The following SPATA17 variants were observed in gnomAD, a reference collection of about 807,000 sequenced individuals.
The protein encoded by SPATA17 is spermatogenesis-associated protein 17.
A neutral mutation model predicts 62.2 loss-of-function variants in SPATA17; 53 were observed. That is an observed-to-expected ratio of 0.85 (90% CI 0.68 to 1.07). The LOEUF (loss-of-function observed/expected upper bound fraction) is 1.07. Ranked by LOEUF, SPATA17 falls within the 50% of genes least tolerant of loss-of-function variation. SPATA17 has a pLI of 0.00. For missense variants in SPATA17, 466 were observed against 425.5 expected (o/e 1.10, Z -0.84); for synonymous variants, 146 against 146.8 (o/e 0.99, Z 0.04).
At chr1:217,796,160 T>C (rs1335589123) in intron 8 of SPATA17, among the ~76,000 whole-genome samples, 1 of 152,186 alleles carries the variant, frequency 6.6e-6, no homozygotes, top group Non-Finnish European at 1.5e-5. Flanking sequence ...TTTGAAACTT[T>C]GTTAGTTTAA....
chr1:217,838,244 G>A (rs1675307042), intron 9 of SPATA17, among the ~76,000 whole-genome samples: 1 of 151,896 alleles, frequency 6.6e-6, no homozygotes, highest in Non-Finnish European at 1.5e-5. Flanking sequence ...GCCCAATTTT[G>A]GGGGATAGAA....
chr1:217,736,467 A>G (rs1001214036), intron 5 of SPATA17, among the ~76,000 whole-genome samples: 6 of 152,212 alleles, frequency 3.9e-5, no homozygotes, highest in Non-Finnish European at 5.9e-5. Flanking sequence ...AAGAAAAACA[A>G]CATTATGATG....
intron 5 of SPATA17, among the ~76,000 whole-genome samples, chr1:217,726,497 T>C (rs186890660): frequency 6.5e-4 from 99 of 152,328 alleles, no homozygotes; most frequent in Non-Finnish European, 1.3e-3. Flanking sequence ...GCTGGGGTTC[T>C]CACTAGGGCC....
At chr1:217,774,217 C>A (rs1673529964) in intron 6 of SPATA17, 117 bp from the exon 7 acceptor site, 2 of 808,714 alleles carry the variant, frequency 2.5e-6, no homozygotes, top group South Asian at 1.9e-5. Flanking sequence ...TGGTTAAGAA[C>A]CACAGTTGTA....
intron 9 of SPATA17, among the ~76,000 whole-genome samples, chr1:217,805,442 G>A (rs1038639002): frequency 1.3e-5 from 2 of 152,142 alleles, no homozygotes; most frequent in Non-Finnish European, 2.9e-5. Context: ...CAGTTAGGAT[G>A]AATAGTTCTG....
intron 5 of SPATA17, among the ~76,000 whole-genome samples, chr1:217,713,979 AT>A (rs1671935457): frequency 6.6e-6 from 1 of 152,174 alleles, no homozygotes; most frequent in South Asian, 2.1e-4. Flanking sequence ...GATGAAAAAA[AT>A]TTGCATCCAG....
At chr1:217,866,453 G>C (rs1270478004) in intron 10 of SPATA17, 1 of 152,036 alleles carries the variant, frequency 6.6e-6, no homozygotes, top group Non-Finnish European at 1.5e-5. Context: ...ATGGTTTTTA[G>C]TTTGTTTGTT....
At chr1:217,856,283 T>A (rs1038348202) in intron 9 of SPATA17, among the ~76,000 whole-genome samples, 11 of 152,244 alleles carry the variant, frequency 7.2e-5, no homozygotes, top group South Asian at 2.1e-4. Flanking sequence ...TGCTGGACAC[T>A]GTTTTAATTG....
intron 3 of SPATA17, among the ~76,000 whole-genome samples, chr1:217,665,053 G>GA (rs1414314795): frequency 2.0e-5 from 3 of 151,532 alleles, no homozygotes; most frequent in Admixed American, 6.6e-5. Context: ...GGGATAATTG[G>GA]AAAAAAAACA....
chr1:217,806,944 C>A (rs1173769597), intron 9 of SPATA17, among the ~76,000 whole-genome samples: 1 of 152,028 alleles, frequency 6.6e-6, no homozygotes, highest in Non-Finnish European at 1.5e-5. Context: ...GCACATACAG[C>A]ATGGTGATTA....
At chr1:217,742,949 A>AATATATATATATATAT (rs10559433) in intron 6 of SPATA17, among the ~76,000 whole-genome samples, 3 of 146,084 alleles carry the variant, frequency 2.1e-5, no homozygotes, top group African/African-American at 7.5e-5. Flanking sequence ...TCCAAATTAA[A>AATATATATATATATAT]ATATATATAT....
Position 217,812,397 on chromosome 1 carries a change from A to G in SPATA17, c.1005+10547A>G, listed in dbSNP as rs190315848. Among the ~76,000 whole-genome samples the G allele has an allele frequency of 1.3e-4, 20 of 152,244 alleles. No individual in the cohort carries two copies. In the East Asian group the frequency reaches 3.3e-3, roughly 25 times the overall value. ...CAGCAAATTTAGAGCAAATAATACT[A>G]TTTTTCTCAAAAGTATGAAAATCAA... is the stretch of plus-strand genomic sequence containing the variant. On this transcript the variant is annotated intron_variant, in intron 9 of 10. Transcript: ENST00000366933.
At chr1:217,670,611 A>G (rs908191020) in intron 4 of SPATA17, among the ~76,000 whole-genome samples, 5 of 152,196 alleles carry the variant, frequency 3.3e-5, no homozygotes, top group African/African-American at 1.2e-4. Context: ...GCAATGTTGA[A>G]TTTTACCTGA....
At chr1:217,741,638 TG>T (rs138706456) in intron 5 of SPATA17, among the ~76,000 whole-genome samples, 5,849 of 152,240 alleles carry the variant, frequency 0.038, 245 homozygotes, top group East Asian at 0.15. Flanking sequence ...GATGCTTTCT[TG>T]GGATATTTAA....
chr1:217,843,757 C>T (rs528975058), intron 9 of SPATA17, among the ~76,000 whole-genome samples: 1 of 152,236 alleles, frequency 6.6e-6, no homozygotes, highest in African/African-American at 2.4e-5. Context: ...TCCAATAAAA[C>T]TTTATATACA....
At chr1:217,725,156 T>C (rs1553369682) in intron 5 of SPATA17, among the ~76,000 whole-genome samples, 1 of 152,152 alleles carries the variant, frequency 6.6e-6, no homozygotes, top group Non-Finnish European at 1.5e-5. Context: ...AAATTTGGCC[T>C]AAAAAATTTT....
chr1:217,853,324 A>G (rs898130614), intron 9 of SPATA17, among the ~76,000 whole-genome samples: 2 of 152,214 alleles, frequency 1.3e-5, no homozygotes, highest in Non-Finnish European at 2.9e-5. Flanking sequence ...TAAACTAAAC[A>G]TCAGGTTATA....
intron 8 of SPATA17, among the ~76,000 whole-genome samples, chr1:217,787,817 A>G (rs534625287): frequency 1.3e-5 from 2 of 152,128 alleles, no homozygotes; most frequent in African/African-American, 4.8e-5. Context: ...TTTTGGTTAC[A>G]TGTGCAATTA....
At chr1:217,683,630 C>T (rs1019519034) in intron 5 of SPATA17, among the ~76,000 whole-genome samples, 27 of 152,018 alleles carry the variant, frequency 1.8e-4, no homozygotes, top group African/African-American at 5.5e-4. Flanking sequence ...TTAGTAGAGA[C>T]GGGGTTTCAC....
Sources: allele counts gnomAD v4.1 joint callset (sites outside exome capture counted in the v4.1 genomes callset), GRCh38; gene constraint gnomAD v4.1.1; transcripts MANE v1.5; gene names NCBI Gene and HGNC (gene_info 2026-07-23, HGNC 2026-07-21).